GMEB2: variants seen among roughly 807,000 people sequenced by gnomAD.
The protein encoded by GMEB2 is glucocorticoid modulatory element binding protein 2.
In GMEB2, 7 loss-of-function variants were observed where a neutral mutation model predicts 45.7. That is an observed-to-expected ratio of 0.15 (90% CI 0.09 to 0.29). The LOEUF (loss-of-function observed/expected upper bound fraction) is 0.29, where lower values mean the gene tolerates loss of function less well. Ranked by LOEUF, GMEB2 falls within the 10% of genes least tolerant of loss-of-function variation. The pLI, the probability that GMEB2 is intolerant of heterozygous loss-of-function variation, is 1.00. For missense variants in GMEB2, 582 were observed against 739.2 expected (o/e 0.79, Z 2.47); for synonymous variants, 322 against 323.6 (o/e 1.00, Z 0.05).
rs374807605 is a variant in GMEB2, at chr20:63,590,514, C to T, written c.1168G>A (p.Val390Ile). 3.0e-4 allele frequency: 456 copies of T among 1,504,266 alleles called. No homozygotes were observed. The highest frequency in any genetic ancestry group is 3.7e-4 in the Non-Finnish European group (418 of 1,122,424). 93.2% of individuals were successfully genotyped at this position (1,504,266 alleles called of 1,614,324 possible). The change falls in exon 10 of 10, where the codon GTC (valine) becomes ATC (isoleucine). Residue 390 changes from valine (V) to isoleucine (I), a missense_variant. Val to Ile is a conservative substitution (Grantham distance 29). Coordinates refer to ENST00000370077, the MANE Select transcript of GMEB2 (RefSeq NM_012384.5). Reference protein sequence around the residue: ...AQLALGPGVPVPQLTSVPLGK... With the variant: ...AQLALGPGVPIPQLTSVPLGK... The stretch of plus-strand genomic sequence containing the variant: ...AGGGGCACGCTGGTCAGCTGGGGGA[C>T]GGGCACGCCCGGGCCAAGCGCCAGC...
rs1432905365 is a variant in GMEB2, at chr20:63,619,726, G to A, written c.-57-272C>T. On this transcript the variant is annotated intron_variant, in intron 1 of 9. Coordinates refer to ENST00000370077, the MANE Select transcript of GMEB2 (RefSeq NM_012384.5). This position sits in a 1 kb window ranked among gnomAD's most constrained non-coding sequence, Gnocchi z 4.6. ...TCCCTCCACGTGGGGCTCAGAGCAG[G>A]AGGACAGGAGGGGCCTGGAATTCCA... The A allele has an allele frequency of 1.7e-5, 3 of 178,852 alleles. No homozygotes were observed. Among genetic ancestry groups the A allele is most frequent in the African/African-American group, 4.7e-5 (2 of 42,252 alleles). The allele number at this position is 178,852 out of a possible 1,614,324, so 11.1% of individuals were successfully genotyped here.
rs908368013 is a variant in GMEB2 at position 63,588,600 on chromosome 20, C to G, written c.*1489G>C. ...ATGGGTGAGGGCAGCCAGGACAGGG[C>G]CCTGGTGACAATGGCGCAGAGGTGG... On this transcript the variant is annotated 3_prime_UTR_variant, in exon 10 of 10. Transcript: ENST00000370077. The G allele has an allele frequency of 2.5e-6, 1 of 397,728 alleles. No individual in the cohort carries two copies. The highest frequency in any genetic ancestry group is 2.1e-5 in the African/African-American group (1 of 48,652). 24.6% of individuals were successfully genotyped at this position (397,728 alleles called of 1,614,324 possible). A position where few individuals can be genotyped will look rare whatever the true frequency, so the allele number is the denominator to read the frequency against.
intron 6 of GMEB2, among the ~76,000 whole-genome samples, chr20:63,595,059 C>A (rs1325030669): frequency 6.6e-6 from 1 of 152,328 alleles, no homozygotes; most frequent in Admixed American, 6.5e-5. Context: ...AGAAAAATTT[C>A]TCTATTCATA....
intron 2 of GMEB2, among the ~76,000 whole-genome samples, chr20:63,610,756 C>T (rs2089563640): frequency 6.6e-6 from 1 of 152,362 alleles, no homozygotes; most frequent in East Asian, 1.9e-4. Context: ...CCTGGCAAAG[C>T]AACTGCAGAC....
chr20:63,615,268 T>C (rs984944191), intron 2 of GMEB2, among the ~76,000 whole-genome samples: 1 of 152,182 alleles, frequency 6.6e-6, no homozygotes, highest in African/African-American at 2.4e-5. Context: ...CTAAATGGGA[T>C]GGTCTCCAAC....
At position 63,620,314 on chromosome 20, in the gene GMEB2, A is replaced by G. The variant is rs191857204; in HGVS notation, c.-57-860T>C. ...GTCCTGGCCCAAAAAGCTTGGAGAC[A>G]GGGGAATCTTCCTCCTGACTAAAGG... On this transcript the variant is annotated intron_variant, in intron 1 of 9. Transcript: ENST00000370077. Among the ~76,000 whole-genome samples, 787 of 106,274 alleles carry G rather than the reference A, an allele frequency of 7.4e-3. 6 individuals are homozygous for G. The highest frequency in any genetic ancestry group is 0.019 in the African/African-American group (734 of 38,262). The allele number at this position is 106,274 out of a possible 152,430, so 69.7% of individuals were successfully genotyped here.
rs750050079 is a variant in GMEB2, at chr20:63,619,354, A to G, written c.44T>C (p.Val15Ala). ...CACTGCAGTGTCCGGAGTTGTCACAACCACCACCTCCTCCATGTGCACACT... is the reference window on the plus strand; with the variant it reads ...CACTGCAGTGTCCGGAGTTGTCACAGCCACCACCTCCTCCATGTGCACACT... ...DVSVHMEEVV[V>A]VTTPDTAVDG... The change falls in exon 2 of 10, where the codon GTT (valine) becomes GCT (alanine). Residue 15 changes from valine (V) to alanine (A), a missense_variant. By Grantham distance (64) the Val-to-Ala change is moderately conservative. This residue lies in a region of GMEB2 where 114 missense variants were observed against 123.4 expected (regional missense o/e 0.92). Coordinates refer to ENST00000370077, the MANE Select transcript of GMEB2 (RefSeq NM_012384.5). This position sits in a 1 kb window ranked among gnomAD's most constrained non-coding sequence, Gnocchi z 4.6. The G allele has an allele frequency of 6.2e-7, 1 of 1,612,740 alleles. No homozygotes were observed. Among genetic ancestry groups the G allele is most frequent in the South Asian group, 1.1e-5 (1 of 91,070 alleles).
intron 4 of GMEB2, 99 bp downstream of exon 4, chr20:63,602,866 G>C: frequency 9.4e-7 from 1 of 1,068,078 alleles, no homozygotes; most frequent in Non-Finnish European, 1.4e-6. Context: ...CAGCCCTGGA[G>C]ACCCTGCCTC....
rs1317744485 is a variant in GMEB2 at position 63,619,168 on chromosome 20, A to T, written c.131+99T>A. On this transcript the variant is annotated intron_variant, in intron 2 of 9. Coordinates refer to ENST00000370077, the MANE Select transcript of GMEB2 (RefSeq NM_012384.5). The surrounding 1 kb of genome is among the most constrained non-coding windows in gnomAD (Gnocchi z 4.6). ...TCTCAGAAGAACTGGAACTAGAAAA[A>T]TCCTGACACTTGTCCCTTACTACGT... 17 of 1,225,680 alleles carry T rather than the reference A, an allele frequency of 1.4e-5. No individual in the cohort carries two copies. Among genetic ancestry groups the T allele is most frequent in the African/African-American group, 3.1e-5 (2 of 64,884 alleles). The allele number at this position is 1,225,680 out of a possible 1,614,324, so 75.9% of individuals were successfully genotyped here.
intron 3 of GMEB2, among the ~76,000 whole-genome samples, chr20:63,603,804 G>A (rs780353689): frequency 6.6e-6 from 1 of 150,484 alleles, no homozygotes; most frequent in Non-Finnish European, 1.5e-5. Context: ...TGTAATCCCA[G>A]CACTTTGGGA....
At chr20:63,604,615 C>T (rs2089503916) in intron 3 of GMEB2, 128 bp downstream of exon 3, 1 of 673,436 alleles carries the variant, frequency 1.5e-6, no homozygotes, top group South Asian at 1.6e-5. Context: ...CTCCTAAGGG[C>T]ACACAGCTTG....
rs760652797 is a variant in GMEB2, at chr20:63,590,163, C to T, written c.1519G>A (p.Ala507Thr). ...SSTIVTVPAGAAPGPEEHTAT... is the reference protein window; with the variant it reads ...SSTIVTVPAGTAPGPEEHTAT... ...GTGTGCTCCTCAGGCCCGGGGGCAG[C>T]CCCTGCGGGCACTGTCACAATTGTG... Residue 507 changes from alanine to threonine, a missense_variant, in exon 10 of 10, where the codon GCT becomes ACT. Around this residue, in one of 3 missense-constraint regions of GMEB2, gnomAD observed 462 missense variants for 586.7 expected, o/e 0.79. Transcript: ENST00000370077. 1 of 1,586,276 alleles carries T rather than the reference C, an allele frequency of 6.3e-7. No homozygotes were observed. The highest frequency in any genetic ancestry group is 8.6e-7 in the Non-Finnish European group (1 of 1,163,996).
At chr20:63,615,754 T>A (rs892959905) in intron 2 of GMEB2, among the ~76,000 whole-genome samples, 5 of 152,248 alleles carry the variant, frequency 3.3e-5, no homozygotes, top group African/African-American at 1.2e-4. Flanking sequence ...GGTCTCATGC[T>A]GGGAACGCGA....
rs1376607352 is a variant in GMEB2 at position 63,626,985 on chromosome 20, CCGGCGGGGGCGGCGGCGTCGGGAGCTG to C, written c.-114_-88del. On this transcript the variant is annotated 5_prime_UTR_variant, in exon 1 of 10. Coordinates refer to ENST00000370077, the MANE Select transcript of GMEB2 (RefSeq NM_012384.5). Reference sequence around the variant, plus strand: ...GGCCGCGCCGGGCCTGCTTAGGCACCCGGCGGGGGCGGCGGCGTCGGGAGCTGCGGCGGCGGCGGGCGGCGGCGGCGG... The same window carrying C: ...GGCCGCGCCGGGCCTGCTTAGGCACCCGGCGGCGGCGGGCGGCGGCGGCGG... 6.8e-6 allele frequency: 1 copy of C among 148,046 alleles called. No homozygotes were observed. The highest frequency in any genetic ancestry group is 1.5e-5 in the Non-Finnish European group (1 of 66,934). 9.2% of individuals were successfully genotyped at this position (148,046 alleles called of 1,614,324 possible).
At chr20:63,626,764 C>T (rs1039050740) in intron 1 of GMEB2, among the ~76,000 whole-genome samples, 192 bp downstream of exon 1, 1 of 146,930 alleles carries the variant, frequency 6.8e-6, no homozygotes, top group East Asian at 2.0e-4. Context: ...CGCCCGCCAC[C>T]GCCCGCGCCG....
intron 2 of GMEB2, among the ~76,000 whole-genome samples, chr20:63,615,733 GTGTAC>G (rs1469492694): frequency 1.3e-4 from 20 of 152,238 alleles, no homozygotes; most frequent in Non-Finnish European, 2.4e-4. Flanking sequence ...TGGAAGCTGT[GTGTAC>G]AGTGGGGTCT....
intron 5 of GMEB2, 61 bp from the exon 6 acceptor site, chr20:63,595,828 GC>G (rs1291517695): frequency 4.6e-6 from 7 of 1,515,066 alleles, no homozygotes; most frequent in African/African-American, 1.4e-5. Context: ...CACCTGGCCC[GC>G]CCACCCTGAC....
chr20:63,594,146 G>A (rs138228026), intron 6 of GMEB2, among the ~76,000 whole-genome samples: 19 of 152,382 alleles, frequency 1.2e-4, no homozygotes, highest in African/African-American at 1.7e-4. Flanking sequence ...TTTGGGGCGT[G>A]AATGAGTCGT....
intron 5 of GMEB2, among the ~76,000 whole-genome samples, chr20:63,597,504 C>T (rs2083208882): frequency 1.3e-5 from 2 of 152,110 alleles, no homozygotes; most frequent in South Asian, 2.1e-4. Flanking sequence ...CAAGTGCCTT[C>T]AGGTAAAGAA....
Sources: gnomAD v4.1 joint callset for allele counts (sites outside exome capture counted in the v4.1 genomes callset) on GRCh38, gnomAD v4.1.1 for gene constraint, gnomAD v4.1.1 regional missense constraint, Gnocchi (gnomAD v3.1) non-coding constraint, MANE v1.5 for transcripts, NCBI Gene and HGNC (gene_info 2026-07-23, HGNC 2026-07-21) for gene names.